MYOF: variants seen among roughly 807,000 people sequenced by gnomAD.
The protein encoded by MYOF is fer-1-like 3, myoferlin.
In MYOF, 244 loss-of-function variants were observed where a neutral mutation model predicts 284.2. The observed-to-expected ratio is 0.86, with a 90% CI of 0.77 to 0.95. MYOF has a LOEUF of 0.95. MYOF is among the 40% of genes least tolerant of loss of function. The pLI is 0.00. For missense variants in MYOF, 2,496 were observed against 2,560.6 expected, an observed-to-expected ratio of 0.97 and a Z score of 0.54; for synonymous variants, 904 against 919.7, an observed-to-expected ratio of 0.98 and a Z score of 0.31.
intron 3 of MYOF, among the ~76,000 whole-genome samples, chr10:93,442,974 A>G (rs564497812): frequency 1.6e-4 from 25 of 152,086 alleles, no homozygotes; most frequent in African/African-American, 6.0e-4. Context: ...GCCTGGCCAA[A>G]ATGGTGAAAC....
At chr10:93,475,104 T>C (rs1408908936) in intron 1 of MYOF, among the ~76,000 whole-genome samples, 1 of 152,236 alleles carries the variant, frequency 6.6e-6, no homozygotes, top group African/African-American at 2.4e-5. Context: ...ACTGGAATTC[T>C]CATTTAGGCA....
intron 5 of MYOF, among the ~76,000 whole-genome samples, chr10:93,424,552 GT>G (rs1381554982): frequency 4.6e-5 from 7 of 152,182 alleles, no homozygotes; most frequent in African/African-American, 1.7e-4. Flanking sequence ...CCAAAGCCAA[GT>G]AGAATGCTCA....
intron 17 of MYOF, among the ~76,000 whole-genome samples, chr10:93,391,951 C>T (rs1401070680): frequency 6.6e-6 from 1 of 152,124 alleles, no homozygotes; most frequent in Non-Finnish European, 1.5e-5. Context: ...GGGGGAGTGG[C>T]AGGATTTAAG....
At chr10:93,323,591 A>C in intron 46 of MYOF, 1 of 533,528 alleles carries the variant, frequency 1.9e-6, no homozygotes, top group East Asian at 3.0e-5. Context: ...ACGGCTGCAC[A>C]TGCCCACCTG....
chr10:93,416,364 T>A (rs1042521127), intron 5 of MYOF, among the ~76,000 whole-genome samples: 54 of 150,852 alleles, frequency 3.6e-4, no homozygotes, highest in African/African-American at 1.3e-3. Flanking sequence ...AAATAAAATT[T>A]AAAAAAAAAA....
chr10:93,392,198 C>T (rs189594637), intron 17 of MYOF, among the ~76,000 whole-genome samples: 1 of 152,310 alleles, frequency 6.6e-6, no homozygotes, highest in East Asian at 1.9e-4. Context: ...CATGATATCA[C>T]CTTATATTTG....
At chr10:93,332,077 T>C (rs1022984998) in intron 43 of MYOF, among the ~76,000 whole-genome samples, 1 of 152,166 alleles carries the variant, frequency 6.6e-6, no homozygotes, top group African/African-American at 2.4e-5. Flanking sequence ...AATAGAGCTC[T>C]GGGAGCCCTG....
chr10:93,428,266 A>G (rs571262894), intron 4 of MYOF, among the ~76,000 whole-genome samples: 3 of 149,982 alleles, frequency 2.0e-5, no homozygotes, highest in East Asian at 3.9e-4. Flanking sequence ...GCACAATCTC[A>G]GCTCACTGCA....
At chr10:93,422,505 C>T (rs1848395701) in intron 5 of MYOF, among the ~76,000 whole-genome samples, 1 of 152,176 alleles carries the variant, frequency 6.6e-6, no homozygotes, top group South Asian at 2.1e-4. Context: ...TTTAAAAGTT[C>T]AATAGTTGGG....
At chr10:93,373,795 A>G (rs1347085656) in intron 23 of MYOF, among the ~76,000 whole-genome samples, 2 of 152,196 alleles carry the variant, frequency 1.3e-5, no homozygotes, top group Non-Finnish European at 2.9e-5. Flanking sequence ...AGTCCACCGA[A>G]GTTAGTGGAG....
intron 5 of MYOF, among the ~76,000 whole-genome samples, chr10:93,421,918 G>A (rs965627620): frequency 1.3e-5 from 2 of 151,790 alleles, no homozygotes; most frequent in African/African-American, 4.8e-5. Context: ...CTAGATAGTC[G>A]AGGCTATTAG....
In MYOF at chr10:93,376,236, G is replaced by A. The variant is rs149788118; in HGVS notation, c.2108+1087C>T. Among the ~76,000 whole-genome samples the A allele has an allele frequency of 4.1e-4, 62 of 152,208 alleles. No individual in the cohort carries two copies. In the East Asian group the frequency reaches 9.1e-3, roughly 22 times the overall value. ...TCTGTTTGGTTTCATAAATAACTAC[G>A]GCATTGTATTTGAAGGGTTAATTCC... On this transcript the variant is annotated intron_variant, in intron 22 of 53. Coordinates refer to ENST00000359263, the MANE Select transcript of MYOF (RefSeq NM_013451.4).
At chr10:93,384,243 GCCCTCA>G (rs1846253219) in intron 19 of MYOF, among the ~76,000 whole-genome samples, 1 of 152,164 alleles carries the variant, frequency 6.6e-6, no homozygotes, top group Admixed American at 6.5e-5. Context: ...CTTCCTCTCT[GCCCTCA>G]GGGCACAAAG....
Position 93,378,693 on chromosome 10 carries a change from G to GTATATATATATATATATATA in MYOF, c.2001+1150_2001+1169dup, listed in dbSNP as rs66859494. Among the ~76,000 whole-genome samples, 530 of 87,802 alleles carry GTATATATATATATATATATA rather than the reference G, an allele frequency of 6.0e-3. 6 individuals carry two copies. Among genetic ancestry groups the GTATATATATATATATATATA allele is most frequent in the Middle Eastern group, 0.011 (2 of 188 alleles). 57.6% of individuals were successfully genotyped at this position (87,802 alleles called of 152,430 possible). A position where few individuals can be genotyped will look rare whatever the true frequency, so the allele number is the denominator to read the frequency against. ...TATGTGTGTGTGTATGTGTGTGTGT[G>GTATATATATATATATATATA]TATATATATATATATATATATATGT... On this transcript the variant is annotated intron_variant, in intron 21 of 53. Transcript: ENST00000359263.
At chr10:93,337,133 GT>G (rs1554840423) in intron 40 of MYOF, among the ~76,000 whole-genome samples, 4,241 of 135,094 alleles carry the variant, frequency 0.031, 55 homozygotes, top group Non-Finnish European at 0.042. Flanking sequence ...AAAGGTGTGG[GT>G]TTTTTTTTTT....
chr10:93,433,397 G>A (rs1848961117), intron 3 of MYOF, among the ~76,000 whole-genome samples: 3 of 152,184 alleles, frequency 2.0e-5, no homozygotes, highest in Admixed American at 2.0e-4. Flanking sequence ...AACCTCAGGT[G>A]ATCCACCTGC....
At chr10:93,373,716 T>G (rs1010414323) in intron 23 of MYOF, among the ~76,000 whole-genome samples, 4 of 152,182 alleles carry the variant, frequency 2.6e-5, no homozygotes, top group Admixed American at 2.6e-4. Context: ...CACAAATATA[T>G]GACTACCTAC....
At chr10:93,341,827 T>C in intron 38 of MYOF, 1 of 889,190 alleles carries the variant, frequency 1.1e-6, no homozygotes, top group South Asian at 1.5e-5. Flanking sequence ...AATCTACTAA[T>C]GGAAAGAGTT....
chr10:93,361,378 CCA>C (rs151121728), intron 28 of MYOF, 72 bp downstream of exon 28: 545,212 of 1,468,036 alleles, frequency 0.37, 107,136 homozygotes, highest in Non-Finnish European at 0.41. Flanking sequence ...CCCCTCCCTC[CCA>C]AGGAAACTTT....
Sources: allele counts gnomAD v4.1 joint callset (sites outside exome capture counted in the v4.1 genomes callset), GRCh38; gene constraint gnomAD v4.1.1; transcripts MANE v1.5; gene names NCBI Gene and HGNC (gene_info 2026-07-23, HGNC 2026-07-21).